The following USP34 variants were observed in gnomAD, a reference collection of about 807,000 sequenced individuals.
The protein encoded by USP34 is ubiquitin specific peptidase 34.
USP34 carries 70 observed loss-of-function variants against 460.3 expected under a neutral mutation model. The ratio of observed to expected loss-of-function variants is 0.15; its 90% CI spans 0.13 to 0.19. The LOEUF is 0.19. Among genes scored for constraint, USP34 ranks in the 10% least tolerant of loss-of-function variants. USP34 has a pLI of 1.00. For missense variants in USP34, 3,985 were observed against 4,236.2 expected, an observed-to-expected ratio of 0.94 and a Z score of 1.65; for synonymous variants, 1,647 against 1,405.3, an observed-to-expected ratio of 1.17 and a Z score of -3.85.
intron 20 of USP34, among the ~76,000 whole-genome samples, chr2:61,326,706 G>A (rs996073692): frequency 6.6e-5 from 10 of 151,134 alleles, no homozygotes; most frequent in African/African-American, 2.4e-4. Context: ...TGCCCAAACT[G>A]CTTTGCCAAC....
Position 61,265,563 on chromosome 2 carries a change from G to A in USP34, c.5618-6C>T, listed in dbSNP as rs374852825. ...CCATTTATAAGGTGCATGGGCTGCT[G>A]AAGAAAGAGGGAGGAAAAGATCCCC... On this transcript the variant is annotated splice_polypyrimidine_tract_variant and splice_region_variant and intron_variant, in intron 42 of 79. Coordinates refer to ENST00000398571, the MANE Select transcript of USP34 (RefSeq NM_014709.4). The A allele has an allele frequency of 1.4e-5, 22 of 1,578,644 alleles. No individual in the cohort carries two copies. The highest frequency in any genetic ancestry group is 1.7e-5 in the Non-Finnish European group (20 of 1,159,286).
intron 69 of USP34, among the ~76,000 whole-genome samples, chr2:61,209,730 A>T (rs1320931533): frequency 6.6e-6 from 1 of 152,232 alleles, no homozygotes; most frequent in Non-Finnish European, 1.5e-5. Context: ...AGTTAAATGT[A>T]AAACAGCCTT....
intron 49 of USP34, among the ~76,000 whole-genome samples, chr2:61,247,302 T>TG (rs1050508953): frequency 1.3e-5 from 2 of 152,104 alleles, no homozygotes; most frequent in African/African-American, 4.8e-5. Flanking sequence ...AACTGGAACA[T>TG]GAAGAGATAA....
chr2:61,190,768 C>A (rs1686616471), intron 76 of USP34, 110 bp from the exon 77 acceptor site: 3 of 1,346,956 alleles, frequency 2.2e-6, no homozygotes, highest in East Asian at 4.8e-5. Flanking sequence ...GAATCTGAAG[C>A]CACTGAAAAT....
Position 61,331,125 on chromosome 2 carries a change from A to G in USP34, c.2930+151T>C, listed in dbSNP as rs1572941094. ...ACCTCCTAAGAATCTTTCAGCTTAAAAAGTTCTAGCAGCCTTTTCATAATT... is the reference window on the plus strand; with the variant it reads ...ACCTCCTAAGAATCTTTCAGCTTAAGAAGTTCTAGCAGCCTTTTCATAATT... On this transcript the variant is annotated intron_variant, in intron 20 of 79. Coordinates refer to ENST00000398571, the MANE Select transcript of USP34 (RefSeq NM_014709.4). 2.9e-5 allele frequency: 19 copies of G among 656,026 alleles called. No individual in the cohort carries two copies. In the East Asian group the frequency reaches 5.3e-4, roughly 18 times the overall value. The allele number at this position is 656,026 out of a possible 1,614,324, so 40.6% of individuals were successfully genotyped here. A position where few individuals can be genotyped will look rare whatever the true frequency, so the allele number is the denominator to read the frequency against.
At chr2:61,442,696 T>G (rs997424177) in intron 1 of USP34, among the ~76,000 whole-genome samples, 9 of 152,078 alleles carry the variant, frequency 5.9e-5, no homozygotes, top group Non-Finnish European at 1.0e-4. Flanking sequence ...GAGAACAGTA[T>G]CAAAGCTCCT....
chr2:61,334,081 T>A, intron 18 of USP34, 110 bp from the exon 19 acceptor site: 1 of 662,280 alleles, frequency 1.5e-6, no homozygotes, highest in Non-Finnish European at 2.3e-6. Flanking sequence ...CATAGAGACA[T>A]ATTATTACAC....
At chr2:61,442,027 G>A (rs891109751) in intron 1 of USP34, among the ~76,000 whole-genome samples, 1 of 151,986 alleles carries the variant, frequency 6.6e-6, no homozygotes, top group African/African-American at 2.4e-5. Context: ...ACTGGGGAAA[G>A]GACAGTCTCT....
At chr2:61,261,734 T>C (rs755754298) in intron 43 of USP34, among the ~76,000 whole-genome samples, 18 of 152,136 alleles carry the variant, frequency 1.2e-4, no homozygotes, top group Non-Finnish European at 2.5e-4. Context: ...GGGAATAATA[T>C]AATTAACTGA....
At position 61,275,000 on chromosome 2, in the gene USP34, G is replaced by C. The variant is rs189716462; in HGVS notation, c.5433+3165C>G. Among the ~76,000 whole-genome samples the C allele has an allele frequency of 3.6e-4, 55 of 152,270 alleles. No homozygotes were observed. In the East Asian group the frequency reaches 0.01, roughly 28 times the overall value. ...GCAGATAAAATAATATTCTGGGCCA[G>C]GCATGGTGGCTCATGCCTGTAATCC... On this transcript the variant is annotated intron_variant, in intron 41 of 79. Coordinates refer to ENST00000398571, the MANE Select transcript of USP34 (RefSeq NM_014709.4).
chr2:61,391,215 G>T (rs1693335093), intron 5 of USP34, among the ~76,000 whole-genome samples: 1 of 152,180 alleles, frequency 6.6e-6, no homozygotes, highest in Non-Finnish European at 1.5e-5. Flanking sequence ...GGAGGCCAAG[G>T]CGGGCGGATC....
chr2:61,470,308 C>T (rs1369021077), intron 1 of USP34, among the ~76,000 whole-genome samples: 2 of 152,192 alleles, frequency 1.3e-5, no homozygotes, highest in Non-Finnish European at 2.9e-5. Flanking sequence ...CCTCCCCGCA[C>T]CTTCCCGGCA....
chr2:61,203,984 G>C (rs1272468329), intron 74 of USP34, among the ~76,000 whole-genome samples: 1 of 150,418 alleles, frequency 6.6e-6, no homozygotes, highest in Non-Finnish European at 1.5e-5. Flanking sequence ...ATATGACCCA[G>C]TTATAATTTA....
At chr2:61,440,168 C>A (rs992021376) in intron 1 of USP34, among the ~76,000 whole-genome samples, 1 of 152,160 alleles carries the variant, frequency 6.6e-6, no homozygotes, top group Non-Finnish European at 1.5e-5. Context: ...TCAGGGTGGG[C>A]TGCTTGAGTC....
intron 2 of USP34, among the ~76,000 whole-genome samples, chr2:61,413,507 G>A (rs969421015): frequency 6.9e-6 from 1 of 144,380 alleles, no homozygotes; most frequent in African/African-American, 2.6e-5. Context: ...AGGAGCTCGA[G>A]ACCAGCCTGG....
In USP34 at chr2:61,233,137, G is replaced by GGCGT. The variant is rs1687961902; in HGVS notation, c.7033-609_7033-606dup. Among the ~76,000 whole-genome samples, 3 of 151,994 alleles carry GGCGT rather than the reference G, an allele frequency of 2.0e-5. No homozygotes were observed. In the South Asian group the frequency reaches 6.2e-4, roughly 31 times the overall value. On this transcript the variant is annotated intron_variant, in intron 57 of 79. Transcript: ENST00000398571. ...AGCCTCCTAAAGTGCTGGTATTATA[G>GGCGT]GCGTGAGCCATGTCACCCGGCCACC... is the stretch of plus-strand genomic sequence containing the variant.
At chr2:61,443,399 T>TA (rs563216881) in intron 1 of USP34, among the ~76,000 whole-genome samples, 56 of 150,980 alleles carry the variant, frequency 3.7e-4, no homozygotes, top group African/African-American at 1.3e-3. Context: ...AAATTTTGCA[T>TA]AAAAAAATCA....
chr2:61,216,401 T>G (rs557914982), intron 67 of USP34, among the ~76,000 whole-genome samples: 12 of 146,586 alleles, frequency 8.2e-5, no homozygotes, highest in Admixed American at 6.2e-4. Context: ...GAGCTCGAGA[T>G]CATCCTGGCT....
intron 41 of USP34, among the ~76,000 whole-genome samples, chr2:61,268,583 C>T (rs568852913): frequency 2.0e-5 from 3 of 151,766 alleles, no homozygotes; most frequent in Non-Finnish European, 4.4e-5. Context: ...TTTTTTATAC[C>T]CAGCATCAGG....
Sources: allele counts gnomAD v4.1 joint callset (sites outside exome capture counted in the v4.1 genomes callset), GRCh38; gene constraint gnomAD v4.1.1; transcripts MANE v1.5; gene names NCBI Gene and HGNC (gene_info 2026-07-23, HGNC 2026-07-21).